The following NCAPD3 variants were observed in gnomAD, a reference collection of about 807,000 sequenced individuals.
NCAPD3 encodes the protein condensin-2 complex subunit D3.
Under a neutral mutation model 182.9 loss-of-function variants are expected in NCAPD3, and 105 were observed. The ratio of observed to expected loss-of-function variants is 0.57; its 90% CI spans 0.49 to 0.68. The LOEUF is 0.68. Ranked by LOEUF, NCAPD3 falls within the 30% of genes least tolerant of loss-of-function variation. The pLI, the probability that NCAPD3 is intolerant of heterozygous loss-of-function variation, is 0.00. For synonymous variants in NCAPD3, 815 were observed against 679.9 expected (o/e 1.20, Z -3.09); for missense variants, 1,944 against 1,837.0 (o/e 1.06, Z -1.07).
intron 14 of NCAPD3, 32 bp downstream of exon 14, chr11:134,194,633 T>TAAA: frequency 4.3e-6 from 5 of 1,167,176 alleles, no homozygotes; most frequent in Admixed American, 2.5e-5. Context: ...TTTTAGTGCT[T>TAAA]AAAAAAAAAA....
chr11:134,155,272 C>G (rs1423592057), intron 32 of NCAPD3, among the ~76,000 whole-genome samples: 1 of 152,144 alleles, frequency 6.6e-6, no homozygotes, highest in East Asian at 1.9e-4. Context: ...AGAGCTGAGA[C>G]ACTTCCTGAC....
At chr11:134,223,704 G>T (rs937777231) in intron 1 of NCAPD3, among the ~76,000 whole-genome samples, 159 bp downstream of exon 1, 4 of 152,162 alleles carry the variant, frequency 2.6e-5, no homozygotes, top group African/African-American at 9.7e-5. Flanking sequence ...CTGGCTAGCC[G>T]CAATCCTGGC....
chr11:134,167,584 T>C (rs1280756070), intron 27 of NCAPD3, among the ~76,000 whole-genome samples: 9 of 92,534 alleles, frequency 9.7e-5, no homozygotes, highest in Admixed American at 5.7e-4. Context: ...GAGATGAGCT[T>C]GGGGGAGGGG....
intron 20 of NCAPD3, among the ~76,000 whole-genome samples, chr11:134,179,576 T>C (rs1289398626): frequency 6.6e-6 from 1 of 152,222 alleles, no homozygotes; most frequent in Non-Finnish European, 1.5e-5. Context: ...CACCTGTGTA[T>C]CCTTAGATAC....
At chr11:134,172,494 C>A (rs560846053) in intron 24 of NCAPD3, among the ~76,000 whole-genome samples, 1 of 152,318 alleles carries the variant, frequency 6.6e-6, no homozygotes. Context: ...TTCTCCCAAA[C>A]CAGGCCATCC....
At chr11:134,174,251 C>T (rs1944099686) in intron 24 of NCAPD3, among the ~76,000 whole-genome samples, 1 of 151,640 alleles carries the variant, frequency 6.6e-6, no homozygotes, top group Admixed American at 6.6e-5. Flanking sequence ...AGTATGGTGG[C>T]ATGCACCTGT....
Position 134,160,091 on chromosome 11 carries a change from A to T in NCAPD3, c.3685-17T>A. 1 of 1,611,336 alleles carries T rather than the reference A, an allele frequency of 6.2e-7. No homozygotes were observed. Among genetic ancestry groups the T allele is most frequent in the Non-Finnish European group, 8.5e-7 (1 of 1,178,484 alleles). On this transcript the variant is annotated splice_polypyrimidine_tract_variant and intron_variant, in intron 28 of 34. Transcript: ENST00000534548. ...CATCACCTCCTGAAACAGAGCCAGG[A>T]GCATCCTTTCATGTTTTCTTGAATA...
At chr11:134,161,746 G>A (rs1565519570) in intron 28 of NCAPD3, 35 bp downstream of exon 28, 6 of 1,262,548 alleles carry the variant, frequency 4.8e-6, no homozygotes, top group African/African-American at 2.9e-5. Flanking sequence ...GAACTGGTAG[G>A]ACAACAACCA....
chr11:134,163,888 A>AG (rs1475360975), intron 27 of NCAPD3, among the ~76,000 whole-genome samples: 2 of 150,322 alleles, frequency 1.3e-5, no homozygotes, highest in African/African-American at 4.9e-5. Context: ...AAAAAAAAAA[A>AG]AAAAGAAAAA....
chr11:134,157,601 T>G (rs907333869), intron 31 of NCAPD3, among the ~76,000 whole-genome samples: 9 of 152,166 alleles, frequency 5.9e-5, no homozygotes, highest in Admixed American at 4.6e-4. Flanking sequence ...ACATCTGACT[T>G]AAGAATGCAG....
rs2136020616 is a variant in NCAPD3 at position 134,210,342 on chromosome 11, C to T, written c.495G>A (p.Gln165=). The change falls in exon 4 of 35, where the codon CAG becomes CAA. Residue 165 remains glutamine, a synonymous_variant. Transcript: ENST00000534548. Reference sequence around the variant, plus strand: ...CGGGGTTAGCCTGAGAGCTCTTAGGCTGTTCTTTCTTTCTTTTCCGATTCA... The same window carrying T: ...CGGGGTTAGCCTGAGAGCTCTTAGGTTGTTCTTTCTTTCTTTTCCGATTCA... ...SNLNRKRKKE[Q]PKSSQANPGR... is the part of the protein sequence containing the mutation. The T allele has an allele frequency of 1.2e-6, 2 of 1,614,212 alleles. No homozygotes were observed. Among genetic ancestry groups the T allele is most frequent in the African/African-American group, 1.3e-5 (1 of 75,052 alleles).
At chr11:134,196,725 C>A (rs113859769) in intron 13 of NCAPD3, among the ~76,000 whole-genome samples, 9,678 of 151,008 alleles carry the variant, frequency 0.064, 1,081 homozygotes, top group African/African-American at 0.22. Context: ...CACACACATA[C>A]ACACACACCC....
chr11:134,212,167 G>C (rs1481924331), intron 3 of NCAPD3, among the ~76,000 whole-genome samples: 1 of 152,154 alleles, frequency 6.6e-6, no homozygotes, highest in Non-Finnish European at 1.5e-5. Flanking sequence ...ATGGCTTGCA[G>C]ACCTGCACTA....
chr11:134,178,174 T>C (rs1410339273), intron 22 of NCAPD3: 1 of 152,626 alleles, frequency 6.6e-6, no homozygotes, highest in Non-Finnish European at 1.5e-5. Flanking sequence ...TAGCCAATTC[T>C]GGAAAGTACT....
chr11:134,160,167 C>A (rs1004654907), intron 28 of NCAPD3, 93 bp from the exon 29 acceptor site: 10 of 1,234,496 alleles, frequency 8.1e-6, no homozygotes, highest in Non-Finnish European at 1.1e-5. Context: ...GTGTAACAAA[C>A]CTGCACATCC....
chr11:134,178,989 C>A (rs1476852332), intron 20 of NCAPD3, 53 bp from the exon 21 acceptor site: 1 of 1,203,768 alleles, frequency 8.3e-7, no homozygotes, highest in Admixed American at 1.8e-5. Flanking sequence ...AAAGTGAACT[C>A]TAGCTAGATT....
At chr11:134,224,176 G>A (rs1040624250), upstream of NCAPD3, 8 of 590,496 alleles carry the variant, frequency 1.4e-5, no homozygotes, top group African/African-American at 5.6e-5. Context: ...GTTCGAGAAG[G>A]AGCCAGGGCC....
chr11:134,189,093 GC>G (rs2135991718), intron 16 of NCAPD3, among the ~76,000 whole-genome samples: 1 of 152,268 alleles, frequency 6.6e-6, no homozygotes, highest in South Asian at 2.1e-4. Context: ...ACTAAAAAAT[GC>G]CTATATAGAA....
At chr11:134,186,593 C>T (rs1037412957) in intron 16 of NCAPD3, among the ~76,000 whole-genome samples, 12 of 152,158 alleles carry the variant, frequency 7.9e-5, no homozygotes, top group African/African-American at 2.9e-4. Flanking sequence ...TGAGACAATG[C>T]CATATTATAT....
Sources: gnomAD v4.1 joint callset for allele counts (sites outside exome capture counted in the v4.1 genomes callset) on GRCh38, gnomAD v4.1.1 for gene constraint, MANE v1.5 for transcripts, NCBI Gene and HGNC (gene_info 2026-07-23, HGNC 2026-07-21) for gene names.